The following SRRM2 variants were observed in gnomAD, a reference collection of about 807,000 sequenced individuals.
SRRM2 encodes serine/arginine repetitive matrix 2.
A neutral mutation model predicts 213.8 loss-of-function variants in SRRM2; 30 were observed. That is an observed-to-expected ratio of 0.14 (90% CI 0.10 to 0.19). SRRM2 has a LOEUF of 0.19. SRRM2 is among the 10% of genes least tolerant of loss of function. The pLI is 1.00. For missense variants in SRRM2, 4,904 were observed against 3,647.0 expected, an observed-to-expected ratio of 1.34 and a Z score of -8.88; for synonymous variants, 2,025 against 1,377.7, an observed-to-expected ratio of 1.47 and a Z score of -10.40.
rs1388197341 is a variant in SRRM2, at chr16:2,766,709, A to G, written c.6181A>G (p.Thr2061Ala). ...RRRSRSRTPR[T>A]ARGKRSLTRS... ...CCGCTCCAGATCCCGTACTCCACGA[A>G]CAGCTCGGGGTAAACGGTCCTTAAC... Residue 2061 changes from threonine (T) to alanine (A), a missense_variant, in exon 11 of 15, where the codon ACA becomes GCA. Transcript: ENST00000301740. The surrounding 1 kb of genome is among the most constrained non-coding windows in gnomAD (Gnocchi z 7.0). The G allele has an allele frequency of 1.9e-6, 3 of 1,614,062 alleles. No individual in the cohort carries two copies. Among genetic ancestry groups the G allele is most frequent in the South Asian group, 1.1e-5 (1 of 91,088 alleles).
At position 2,763,080 on chromosome 16, in the gene SRRM2, G is replaced by A; in HGVS notation, c.2552G>A (p.Arg851Lys). The A allele has an allele frequency of 3.7e-6, 6 of 1,614,100 alleles. No homozygotes were observed. The highest frequency in any genetic ancestry group is 3.3e-5 in the South Asian group (3 of 91,064). The change falls in exon 11 of 15, where the codon AGG becomes AAG. Residue 851 changes from arginine to lysine, a missense_variant. By Grantham distance (26) the Arg-to-Lys change is conservative (BLOSUM62 2). Transcript: ENST00000301740. ...AAAGTGAAATCTGGAACACCACCGAGGCAAGGGTCCATAACAAGTCCCCAG... is the reference window on the plus strand; with the variant it reads ...AAAGTGAAATCTGGAACACCACCGAAGCAAGGGTCCATAACAAGTCCCCAG... ...HPKVKSGTPP[R>K]QGSITSPQAN...
Position 2,767,325 on chromosome 16 carries a change from C to G in SRRM2, c.6797C>G (p.Ala2266Gly). Residue 2266 changes from alanine (A) to glycine (G), a missense_variant, in exon 11 of 15, where the codon GCG becomes GGG. Ala to Gly is a moderately conservative substitution (Grantham distance 60). Transcript: ENST00000301740. Reference protein sequence around the residue: ...LADSRTPAAAAAMNLASPRTA... With the variant: ...LADSRTPAAAGAMNLASPRTA... ...GACTCTCGAACGCCAGCTGCAGCAGCGGCCATGAACTTGGCCAGCCCCAGA... is the reference window on the plus strand; with the variant it reads ...GACTCTCGAACGCCAGCTGCAGCAGGGGCCATGAACTTGGCCAGCCCCAGA... 1 of 1,613,870 alleles carries G rather than the reference C, an allele frequency of 6.2e-7. No homozygotes were observed. Among genetic ancestry groups the G allele is most frequent in the South Asian group, 1.1e-5 (1 of 91,082 alleles).
In SRRM2 at chr16:2,767,208, A is replaced by G. The variant is rs758381939; in HGVS notation, c.6680A>G (p.Asn2227Ser). The change falls in exon 11 of 15, where the codon AAC becomes AGC. Residue 2227 changes from asparagine (N) to serine (S), a missense_variant. Physicochemically the swap from Asn to Ser is conservative, Grantham distance 46 (BLOSUM62 1). Transcript: ENST00000301740. ...AGTCTCAGAACCGCACCAGCAGCCA[A>G]CCTTGCCAGCAGGATTCCTGCAGCC... ...LMSLRTAPAANLASRIPAASA... is the reference protein window; with the variant it reads ...LMSLRTAPAASLASRIPAASA... The G allele has an allele frequency of 1.6e-5, 26 of 1,613,956 alleles. No individual in the cohort carries two copies. The highest frequency in any genetic ancestry group is 2.0e-5 in the Non-Finnish European group (24 of 1,180,014).
Position 2,758,884 on chromosome 16 carries a change from A to G in SRRM2, c.594-101A>G, listed in dbSNP as rs139865844. ...GGTCTGGGGCATTAGTGCTATTAGGACATTCAAGTGTTTTAGAAACCTTTT... is the reference window on the plus strand; with the variant it reads ...GGTCTGGGGCATTAGTGCTATTAGGGCATTCAAGTGTTTTAGAAACCTTTT... On this transcript the variant is annotated intron_variant, in intron 5 of 14. Coordinates refer to ENST00000301740, the MANE Select transcript of SRRM2 (RefSeq NM_016333.4). 6.2e-6 allele frequency: 8 copies of G among 1,290,646 alleles called. No homozygotes were observed. The East Asian group carries it at 1.7e-4, about 27-fold the overall frequency. The allele number at this position is 1,290,646 out of a possible 1,614,324, so 79.9% of individuals were successfully genotyped here. A position where few individuals can be genotyped will look rare whatever the true frequency, so the allele number is the denominator to read the frequency against.
rs994344306 is a variant in SRRM2, at chr16:2,764,277, G to T, written c.3749G>T (p.Gly1250Val). 1.4e-5 allele frequency: 22 copies of T among 1,613,948 alleles called. No homozygotes were observed. Among genetic ancestry groups the T allele is most frequent in the Non-Finnish European group, 1.9e-5 (22 of 1,180,016 alleles). Residue 1250 changes from glycine to valine, a missense_variant, in exon 11 of 15, where the codon GGC (glycine) becomes GTC (valine). Coordinates refer to ENST00000301740, the MANE Select transcript of SRRM2 (RefSeq NM_016333.4). ...GTAGAGAAGTCTGAAGAACCCGCAG[G>T]CCAAATCCTGTCTCATTTGTCTTCA... ...EVVEKSEEPA[G>V]QILSHLSSEL... is the part of the protein sequence containing the mutation.
In SRRM2 at chr16:2,761,627, A is replaced by C. The variant is rs1305939684; in HGVS notation, c.1099A>C (p.Thr367Pro). ...CACAGGCCCAGAACCACCTGCTCCC[A>C]CTCCGCTCCTTGCTGAGCGACATGG... ...SSTGPEPPAP[T>P]PLLAERHGGS... The change falls in exon 11 of 15, where the codon ACT (threonine) becomes CCT (proline). Residue 367 changes from threonine to proline, a missense_variant. Thr to Pro is a conservative substitution (Grantham distance 38). Coordinates refer to ENST00000301740, the MANE Select transcript of SRRM2 (RefSeq NM_016333.4). 6.4e-7 allele frequency: 1 copy of C among 1,565,996 alleles called. No homozygotes were observed. The highest frequency in any genetic ancestry group is 8.6e-7 in the Non-Finnish European group (1 of 1,160,066).
rs1567241212 is a variant in SRRM2 at position 2,766,799 on chromosome 16, G to T, written c.6271G>T (p.Ala2091Ser). The change falls in exon 11 of 15, where the codon GCT (alanine) becomes TCT (serine). Residue 2091 changes from alanine to serine, a missense_variant. Transcript: ENST00000301740. This position sits in a 1 kb window ranked among gnomAD's most constrained non-coding sequence, Gnocchi z 7.0. ...AAGTAGTTCTGATCGTTCACGATCT[G>T]CTACTCCTCCAGCAACAAGAAATCA... is the stretch of plus-strand genomic sequence containing the variant. ...SGSSSDRSRS[A>S]TPPATRNHSG... 6.2e-7 allele frequency: 1 copy of T among 1,614,152 alleles called. No homozygotes were observed. The highest frequency in any genetic ancestry group is 8.5e-7 in the Non-Finnish European group (1 of 1,180,034).
intron 2 of SRRM2, among the ~76,000 whole-genome samples, 173 bp downstream of exon 2, chr16:2,756,779 G>A (rs2068156918): frequency 6.6e-6 from 1 of 152,132 alleles, no homozygotes; most frequent in Non-Finnish European, 1.5e-5. Flanking sequence ...AGTGCAGAGT[G>A]GGAAATGAGA....
intron 2 of SRRM2, 116 bp downstream of exon 2, chr16:2,756,722 G>A: frequency 7.1e-7 from 1 of 1,409,408 alleles, no homozygotes; most frequent in Non-Finnish European, 9.5e-7. Flanking sequence ...AGTTGTGGTA[G>A]GGGAGGAGGC....
Position 2,762,030 on chromosome 16 carries a change from C to T in SRRM2, c.1502C>T (p.Thr501Ile). The change falls in exon 11 of 15, where the codon ACC (threonine) becomes ATC (isoleucine). Residue 501 changes from threonine (T) to isoleucine (I), a missense_variant. By Grantham distance (89) the Thr-to-Ile change is moderately conservative (BLOSUM62 -1). Transcript: ENST00000301740. The part of the protein sequence containing the change: ...KRGRSRSRTP[T>I]KRGHSRSRSP... Reference sequence around the variant, plus strand: ...GGGCGATCTCGGTCTCGAACCCCTACCAAGAGAGGTCATTCTCGATCCCGA... The same window carrying T: ...GGGCGATCTCGGTCTCGAACCCCTATCAAGAGAGGTCATTCTCGATCCCGA... 3 of 1,614,228 alleles carry T rather than the reference C, an allele frequency of 1.9e-6. No individual in the cohort carries two copies. The highest frequency in any genetic ancestry group is 1.7e-6 in the Non-Finnish European group (2 of 1,180,046).
At chr16:2,769,654 G>A (rs753522630) in intron 12 of SRRM2, 9 of 545,774 alleles carry the variant, frequency 1.6e-5, no homozygotes, top group South Asian at 1.1e-4. Flanking sequence ...CCGTCTCCAC[G>A]CCATTCTCTT....
intron 11 of SRRM2, chr16:2,768,671 T>C (rs1373608794): frequency 3.1e-6 from 2 of 651,296 alleles, no homozygotes; most frequent in South Asian, 3.0e-5. Flanking sequence ...CACAGGGGCC[T>C]CCCCAAGCTG....
At chr16:2,752,927 C>T (rs900472114) in intron 1 of SRRM2, 81 bp downstream of exon 1, 3 of 162,188 alleles carry the variant, frequency 1.8e-5, no homozygotes, top group Admixed American at 6.6e-5. Flanking sequence ...CGGAGAACTG[C>T]CCAGGCCGCC....
At position 2,765,125 on chromosome 16, in the gene SRRM2, C is replaced by G. The variant is rs374556197; in HGVS notation, c.4597C>G (p.Leu1533Val). ...VDQKTVARTP[L>V]GQRSRSGSSQ... Reference sequence around the variant, plus strand: ...TCAGAAAACTGTGGCTCGGACTCCCCTGGGGCAGAGAAGTCGTTCGGGATC... The same window carrying G: ...TCAGAAAACTGTGGCTCGGACTCCCGTGGGGCAGAGAAGTCGTTCGGGATC... The change falls in exon 11 of 15, where the codon CTG (leucine) becomes GTG (valine). Residue 1533 changes from leucine (L) to valine (V), a missense_variant. Coordinates refer to ENST00000301740, the MANE Select transcript of SRRM2 (RefSeq NM_016333.4). The G allele has an allele frequency of 1.2e-6, 2 of 1,614,194 alleles. No homozygotes were observed. The highest frequency in any genetic ancestry group is 1.7e-6 in the Non-Finnish European group (2 of 1,180,036).
rs1465450824 is a variant in SRRM2, at chr16:2,769,228, C to T, written c.7965C>T (p.Gly2655=). ...SSSSPSPAKP[G]PQALPKPASP... is the part of the protein sequence containing the mutation. ...CCTCCCCTTCCCCTGCTAAGCCTGG[C>T]CCTCAGGCCTTGCCCAAACCTGCAA... Residue 2655 remains glycine (G), a synonymous_variant, in exon 12 of 15, where the codon GGC becomes GGT. Coordinates refer to ENST00000301740, the MANE Select transcript of SRRM2 (RefSeq NM_016333.4). 19 of 1,592,466 alleles carry T rather than the reference C, an allele frequency of 1.2e-5. No homozygotes were observed. The highest frequency in any genetic ancestry group is 1.5e-5 in the Non-Finnish European group (17 of 1,169,234).
Position 2,765,161 on chromosome 16 carries a change from C to T in SRRM2, c.4633C>T (p.Leu1545Phe), listed in dbSNP as rs2068495319. The T allele has an allele frequency of 6.2e-7, 1 of 1,614,188 alleles. No homozygotes were observed. Among genetic ancestry groups the T allele is most frequent in the Admixed American group, 1.7e-5 (1 of 60,026 alleles). Reference protein sequence around the residue: ...QRSRSGSSQELDVKPSASPQE... With the variant: ...QRSRSGSSQEFDVKPSASPQE... Reference sequence around the variant, plus strand: ...AAGTCGTTCGGGATCCTCTCAAGAACTTGATGTGAAACCCAGTGCATCCCC... The same window carrying T: ...AAGTCGTTCGGGATCCTCTCAAGAATTTGATGTGAAACCCAGTGCATCCCC... Residue 1545 changes from leucine to phenylalanine, a missense_variant, in exon 11 of 15, where the codon CTT (leucine) becomes TTT (phenylalanine). Transcript: ENST00000301740.
rs1233789180 is a variant in SRRM2, at chr16:2,766,962, C to T, written c.6434C>T (p.Pro2145Leu). ...MLEPLGSSRTPMSVLQQAGGS... is the reference protein window; with the variant it reads ...MLEPLGSSRTLMSVLQQAGGS... ...GAACCCCTTGGCAGCTCTAGAACACCCATGTCTGTCCTGCAGCAAGCCGGC... is the reference window on the plus strand; with the variant it reads ...GAACCCCTTGGCAGCTCTAGAACACTCATGTCTGTCCTGCAGCAAGCCGGC... Residue 2145 changes from proline to leucine, a missense_variant, in exon 11 of 15, where the codon CCC (proline) becomes CTC (leucine). By Grantham distance (98) the Pro-to-Leu change is moderately conservative. Coordinates refer to ENST00000301740, the MANE Select transcript of SRRM2 (RefSeq NM_016333.4). This position sits in a 1 kb window ranked among gnomAD's most constrained non-coding sequence, Gnocchi z 7.0. The T allele has an allele frequency of 1.9e-6, 3 of 1,613,914 alleles. No homozygotes were observed.
intron 12 of SRRM2, 79 bp downstream of exon 12, chr16:2,769,363 C>T (rs1014654732): frequency 1.4e-6 from 2 of 1,475,698 alleles, no homozygotes; most frequent in Non-Finnish European, 1.8e-6. Flanking sequence ...GTGTGAGCTC[C>T]CCGCTGGGTG....
In SRRM2 at chr16:2,762,318, G is replaced by T. The variant is rs1471396316; in HGVS notation, c.1790G>T (p.Arg597Ile). ...RTPARRRSRS[R>I]TPTRRRSRSR... The stretch of plus-strand genomic sequence containing the variant: ...CCTGCCAGGCGGAGATCACGATCCA[G>T]AACTCCCACCAGGCGTAGGTCTCGG... Residue 597 changes from arginine (R) to isoleucine (I), a missense_variant, in exon 11 of 15, where the codon AGA becomes ATA. Transcript: ENST00000301740. 6.2e-6 allele frequency: 10 copies of T among 1,614,036 alleles called. No individual in the cohort carries two copies. Among genetic ancestry groups the T allele is most frequent in the Non-Finnish European group, 8.5e-6 (10 of 1,179,996 alleles).
Sources: gnomAD v4.1 joint callset for allele counts (sites outside exome capture counted in the v4.1 genomes callset) on GRCh38, gnomAD v4.1.1 for gene constraint, Gnocchi (gnomAD v3.1) non-coding constraint, MANE v1.5 for transcripts, NCBI Gene and HGNC (gene_info 2026-07-23, HGNC 2026-07-21) for gene names.